CACNG2: variants seen among roughly 807,000 people sequenced by gnomAD.
CACNG2 encodes the protein voltage-dependent calcium channel gamma-2 subunit.
CACNG2 carries 3 observed loss-of-function variants against 25.9 expected under a neutral mutation model. That is an observed-to-expected ratio of 0.12 (90% CI 0.05 to 0.30). CACNG2 has a LOEUF of 0.30. Ranked by LOEUF, CACNG2 falls within the 10% of genes least tolerant of loss-of-function variation. CACNG2 has a pLI of 1.00. For missense variants in CACNG2, 341 were observed against 432.5 expected (o/e 0.79, Z 1.88); for synonymous variants, 167 against 173.3 (o/e 0.96, Z 0.29).
At position 36,614,220 on chromosome 22, in the gene CACNG2, G is replaced by C. The variant is rs143315775; in HGVS notation, c.212-26672C>G. ...TGTTGTAAGTCCCAGGACCCACCAC[G>C]CTCTCTCCTATCTCTGGACGTTTGC... On this transcript the variant is annotated intron_variant, in intron 1 of 3. Transcript: ENST00000300105. 3.3e-5 allele frequency among the ~76,000 whole-genome samples: 5 copies of C among 152,182 alleles called. No homozygotes were observed. The South Asian group carries it at 1.0e-3, about 32-fold the overall frequency.
At chr22:36,603,885 A>G (rs1411566405) in intron 1 of CACNG2, among the ~76,000 whole-genome samples, 1 of 152,236 alleles carries the variant, frequency 6.6e-6, no homozygotes, top group Non-Finnish European at 1.5e-5. Flanking sequence ...CTAACACAAC[A>G]TCTATTTTGC....
chr22:36,598,225 A>C (rs1935704718), intron 1 of CACNG2, among the ~76,000 whole-genome samples: 1 of 152,232 alleles, frequency 6.6e-6, no homozygotes, highest in Non-Finnish European at 1.5e-5. Flanking sequence ...CAGCGACTGT[A>C]CTACACATTT....
rs746898344 is a variant in CACNG2 at position 36,670,921 on chromosome 22, C to CT, written c.211+31444dup. Among the ~76,000 whole-genome samples the CT allele has an allele frequency of 6.2e-3, 822 of 132,910 alleles. 2 individuals carry two copies. The highest frequency in any genetic ancestry group is 0.02 in the East Asian group (92 of 4,536). 87.2% of individuals were successfully genotyped at this position (132,910 alleles called of 152,430 possible). A position where few individuals can be genotyped will look rare whatever the true frequency, so the allele number is the denominator to read the frequency against. ...GCAGGCCAGGTCCAAAGTCTATATT[C>CT]TTTTTTTTTTTTTTTTGAGACGGAG... is the stretch of plus-strand genomic sequence containing the variant. On this transcript the variant is annotated intron_variant, in intron 1 of 3. Coordinates refer to ENST00000300105, the MANE Select transcript of CACNG2 (RefSeq NM_006078.5).
intron 1 of CACNG2, 79 bp downstream of exon 1, chr22:36,702,287 A>G: frequency 1.2e-6 from 1 of 800,910 alleles, no homozygotes; most frequent in Non-Finnish European, 2.0e-6. Context: ...AAGGGGACTT[A>G]TTTGGAGGAG....
chr22:36,662,368 G>A (rs1359521777), intron 1 of CACNG2, among the ~76,000 whole-genome samples: 2 of 152,244 alleles, frequency 1.3e-5, no homozygotes, highest in South Asian at 2.1e-4. Flanking sequence ...GGTGCAGAGC[G>A]ATCAGTGATC....
rs531385183 is a variant in CACNG2 at position 36,572,575 on chromosome 22, G to A, written c.296-6082C>T. On this transcript the variant is annotated intron_variant, in intron 2 of 3. Transcript: ENST00000300105. ...AAATTAGCCCGGCGTGGTGGCGCATGCCTGTAGTCCCAGCTACTCGGGAGC... is the reference window on the plus strand; with the variant it reads ...AAATTAGCCCGGCGTGGTGGCGCATACCTGTAGTCCCAGCTACTCGGGAGC... 2.8e-4 allele frequency among the ~76,000 whole-genome samples: 43 copies of A among 152,222 alleles called. 1 individual carries two copies. The East Asian group carries it at 8.1e-3, about 29-fold the overall frequency.
intron 1 of CACNG2, among the ~76,000 whole-genome samples, chr22:36,607,274 G>A (rs1010530651): frequency 2.0e-5 from 3 of 151,998 alleles, no homozygotes; most frequent in African/African-American, 7.2e-5. Flanking sequence ...TTGAGCCAGG[G>A]ACTTGCTCTG....
intron 1 of CACNG2, among the ~76,000 whole-genome samples, chr22:36,600,035 C>T (rs972902362): frequency 1.3e-5 from 2 of 152,112 alleles, no homozygotes; most frequent in Admixed American, 1.3e-4. Context: ...TGGGATGTGC[C>T]CTTCTCAGTC....
chr22:36,628,103 G>A (rs970058274), intron 1 of CACNG2, among the ~76,000 whole-genome samples: 11 of 152,108 alleles, frequency 7.2e-5, no homozygotes, highest in Non-Finnish European at 1.5e-4. Context: ...AGGCGAGAAC[G>A]TTATGAATTA....
Position 36,566,493 on chromosome 22 carries a change from C to G in CACNG2, c.296G>C (p.Arg99Pro). The change falls in exon 3 of 4, where the codon CGG becomes CCG. Residue 99 changes from arginine (R) to proline (P), a missense_variant and splice_region_variant. Around this residue, in one of 2 missense-constraint regions of CACNG2, gnomAD observed 169 missense variants for 254.4 expected, o/e 0.66. Transcript: ENST00000300105. Reference sequence around the variant, plus strand: ...GAAAATGCTGGAGGCCCTCACGGCCCCTGTGGAACACAGAGGGTCAGGGAG... The same window carrying G: ...GAAAATGCTGGAGGCCCTCACGGCCGCTGTGGAACACAGAGGGTCAGGGAG... ...YEADTAEYFL[R>P]AVRASSIFPI... 6.2e-7 allele frequency: 1 copy of G among 1,614,018 alleles called. No homozygotes were observed. Among genetic ancestry groups the G allele is most frequent in the East Asian group, 2.2e-5 (1 of 44,876 alleles).
intron 2 of CACNG2, among the ~76,000 whole-genome samples, chr22:36,567,558 G>A (rs1935147025): frequency 6.6e-6 from 1 of 151,678 alleles, no homozygotes; most frequent in South Asian, 2.1e-4. Context: ...GAAACAGAAG[G>A]TGAGGGCCAG....
At chr22:36,635,434 GA>G (rs1288081773) in intron 1 of CACNG2, among the ~76,000 whole-genome samples, 2 of 152,056 alleles carry the variant, frequency 1.3e-5, no homozygotes, top group African/African-American at 4.8e-5. Flanking sequence ...CTAGAATATG[GA>G]AAAAAGCTAC....
At chr22:36,678,482 A>C (rs191752634) in intron 1 of CACNG2, among the ~76,000 whole-genome samples, 5 of 151,982 alleles carry the variant, frequency 3.3e-5, no homozygotes, top group Admixed American at 2.0e-4. Flanking sequence ...ACACATTCAC[A>C]TTTGACCCAG....
In CACNG2 at chr22:36,576,592, A is replaced by ATGTG. The variant is rs760972096; in HGVS notation, c.296-10103_296-10100dup. Among the ~76,000 whole-genome samples the ATGTG allele has an allele frequency of 5.4e-5, 8 of 149,116 alleles. No homozygotes were observed. The East Asian group carries it at 5.9e-4, about 11-fold the overall frequency. ...TGTGTGCGTGTGTGTGTGTGTGTGT[A>ATGTG]TGTGTGTGTGTGTGTGAGAGAGAGA... On this transcript the variant is annotated intron_variant, in intron 2 of 3. Coordinates refer to ENST00000300105, the MANE Select transcript of CACNG2 (RefSeq NM_006078.5).
chr22:36,653,918 A>ATTT (rs35016759), intron 1 of CACNG2, among the ~76,000 whole-genome samples: 1 of 133,004 alleles, frequency 7.5e-6, no homozygotes, highest in Non-Finnish European at 1.6e-5. Context: ...CAGACGTTAG[A>ATTT]TTTTTTTTTT....
rs113549744 is a variant in CACNG2, at chr22:36,575,690, A to G, written c.296-9197T>C. 4.9e-4 allele frequency among the ~76,000 whole-genome samples: 74 copies of G among 152,234 alleles called. No individual in the cohort carries two copies. The East Asian group carries it at 0.01, about 21-fold the overall frequency. On this transcript the variant is annotated intron_variant, in intron 2 of 3. Transcript: ENST00000300105. The stretch of plus-strand genomic sequence containing the variant: ...ACGATCTCTAAGGCCCTGTCCCTCA[A>G]TGATGGTCCCGTGCCCATCAAGACC...
intron 1 of CACNG2, among the ~76,000 whole-genome samples, chr22:36,636,766 C>T: frequency 6.6e-6 from 1 of 152,234 alleles, no homozygotes; most frequent in Middle Eastern, 3.2e-3. Context: ...TTGAGAAAGA[C>T]ATTTAATTTT....
At chr22:36,599,911 G>A (rs1008073668) in intron 1 of CACNG2, among the ~76,000 whole-genome samples, 2 of 152,194 alleles carry the variant, frequency 1.3e-5, no homozygotes, top group African/African-American at 2.4e-5. Context: ...CCAGAACGTA[G>A]GCTTTAGTTC....
chr22:36,602,261 A>T (rs1416403861), intron 1 of CACNG2, among the ~76,000 whole-genome samples: 1 of 152,206 alleles, frequency 6.6e-6, no homozygotes, highest in Non-Finnish European at 1.5e-5. Context: ...AAAAACTCAG[A>T]TATTAACCCT....
Sources: allele counts gnomAD v4.1 joint callset (sites outside exome capture counted in the v4.1 genomes callset), GRCh38; gene constraint gnomAD v4.1.1; regional missense constraint gnomAD v4.1.1; transcripts MANE v1.5; gene names NCBI Gene and HGNC (gene_info 2026-07-23, HGNC 2026-07-21).